Variants in LDB2 observed in about 807,000 individuals in gnomAD.
The protein encoded by LDB2 is LIM domain binding 2.
LDB2 carries 12 observed loss-of-function variants against 44.3 expected under a neutral mutation model. The observed-to-expected ratio is 0.27, with a 90% confidence interval of 0.17 to 0.44. The LOEUF (loss-of-function observed/expected upper bound fraction) is 0.44. LDB2 is among the 20% of genes least tolerant of loss of function. The probability of loss-of-function intolerance (pLI) is 1.00; values close to 1 mark genes in which losing one functional copy is unlikely to be tolerated. For missense variants in LDB2, 344 were observed against 473.5 expected (o/e 0.73, Z 2.54); for synonymous variants, 164 against 174.8 (o/e 0.94, Z 0.49).
intron 2 of LDB2, among the ~76,000 whole-genome samples, chr4:16,748,851 T>C (rs1764886227): frequency 6.6e-6 from 1 of 152,190 alleles, no homozygotes; most frequent in Admixed American, 6.5e-5. Flanking sequence ...AGGAACAGAT[T>C]TATAAACAGA....
At chr4:16,545,939 C>T (rs986884068) in intron 5 of LDB2, among the ~76,000 whole-genome samples, 3 of 152,300 alleles carry the variant, frequency 2.0e-5, no homozygotes, top group Middle Eastern at 3.4e-3. Context: ...GTATGCAATT[C>T]GAGGTGAAAT....
At chr4:16,840,797 T>A (rs1785736425) in intron 1 of LDB2, among the ~76,000 whole-genome samples, 1 of 152,196 alleles carries the variant, frequency 6.6e-6, no homozygotes, top group African/African-American at 2.4e-5. Context: ...ACTATAGCTC[T>A]CAATATGATA....
At chr4:16,525,701 G>C (rs1305323247) in intron 5 of LDB2, among the ~76,000 whole-genome samples, 2 of 151,560 alleles carry the variant, frequency 1.3e-5, no homozygotes, top group African/African-American at 4.8e-5. Context: ...TTTAATGAAG[G>C]AGTCAGATAA....
chr4:16,512,865 A>C (rs1337986678), intron 5 of LDB2, among the ~76,000 whole-genome samples: 1 of 152,220 alleles, frequency 6.6e-6, no homozygotes, highest in Non-Finnish European at 1.5e-5. Flanking sequence ...TGAGGAAAAC[A>C]AGAAGATAAA....
intron 1 of LDB2, among the ~76,000 whole-genome samples, chr4:16,867,692 A>T (rs555828073): frequency 6.6e-6 from 1 of 152,310 alleles, no homozygotes; most frequent in East Asian, 1.9e-4. Flanking sequence ...TCATCGGCAA[A>T]AGATGATAAT....
intron 2 of LDB2, among the ~76,000 whole-genome samples, chr4:16,664,667 G>C (rs536695379): frequency 3.5e-4 from 53 of 152,286 alleles, no homozygotes; most frequent in Non-Finnish European, 6.8e-4. Flanking sequence ...CCCTATTTAA[G>C]TTTACATTCC....
intron 2 of LDB2, among the ~76,000 whole-genome samples, chr4:16,672,408 T>G (rs1002933058): frequency 6.6e-6 from 1 of 152,158 alleles, no homozygotes; most frequent in Non-Finnish European, 1.5e-5. Flanking sequence ...TGCTGAAAGT[T>G]CATTGGCACC....
chr4:16,633,403 T>C (rs1464561520), intron 2 of LDB2, among the ~76,000 whole-genome samples: 1 of 152,066 alleles, frequency 6.6e-6, no homozygotes, highest in Non-Finnish European at 1.5e-5. Flanking sequence ...AACTTGCACA[T>C]TGTGCACGTG....
intron 2 of LDB2, among the ~76,000 whole-genome samples, chr4:16,688,863 G>T (rs10028447): frequency 0.17 from 25,860 of 152,196 alleles, 2,805 homozygotes; most frequent in East Asian, 0.52. Context: ...TTTCAATGTG[G>T]TTTTTCAAAA....
chr4:16,562,686 T>C (rs913752193), intron 5 of LDB2, among the ~76,000 whole-genome samples: 4 of 152,152 alleles, frequency 2.6e-5, no homozygotes, highest in African/African-American at 9.7e-5. Flanking sequence ...GAACTAGAAA[T>C]ACCATTTGAC....
At position 16,588,757 on chromosome 4, in the gene LDB2, T is replaced by C. The variant is rs745752435; in HGVS notation, c.484A>G (p.Ile162Val). The stretch of plus-strand genomic sequence containing the variant: ...GGGACTAACTCTCGGTATTGTCTAA[T>C]GGTAAAGTGCCATGTTTTGATTCTC... ...LMRIKTWHFT[I>V]RQYRELVPRS... Residue 162 changes from isoleucine to valine, a missense_variant, in exon 4 of 8, where the codon ATT becomes GTT. Around this residue, in one of 3 missense-constraint regions of LDB2, gnomAD observed 226 missense variants for 270.1 expected, o/e 0.84. Transcript: ENST00000304523. The C allele has an allele frequency of 1.9e-6, 3 of 1,614,030 alleles. No individual in the cohort carries two copies. The highest frequency in any genetic ancestry group is 2.5e-6 in the Non-Finnish European group (3 of 1,179,854).
chr4:16,746,230 G>C (rs1310259651), intron 2 of LDB2, among the ~76,000 whole-genome samples: 4 of 152,162 alleles, frequency 2.6e-5, no homozygotes, highest in Non-Finnish European at 4.4e-5. Context: ...AGCATTATTA[G>C]AATGTTTATC....
intron 1 of LDB2, among the ~76,000 whole-genome samples, chr4:16,812,409 A>G (rs207689): frequency 2.6e-5 from 4 of 151,690 alleles, no homozygotes; most frequent in Non-Finnish European, 5.9e-5. Flanking sequence ...AAGTTTTAAC[A>G]TACGGTTGCT....
intron 2 of LDB2, among the ~76,000 whole-genome samples, chr4:16,661,222 G>A: frequency 6.6e-6 from 1 of 152,170 alleles, no homozygotes; most frequent in East Asian, 1.9e-4. Flanking sequence ...GCTAGACAGT[G>A]AAATCAAGGA....
intron 1 of LDB2, among the ~76,000 whole-genome samples, chr4:16,783,042 A>G (rs551044187): frequency 1.3e-5 from 2 of 152,358 alleles, no homozygotes; most frequent in South Asian, 2.1e-4. Context: ...GACCCAAATA[A>G]TAAGACTCAT....
chr4:16,555,068 C>G (rs1040748941), intron 5 of LDB2, among the ~76,000 whole-genome samples: 1 of 147,860 alleles, frequency 6.8e-6, no homozygotes, highest in African/African-American at 2.5e-5. Context: ...TGCTGTGAAC[C>G]TAAAACTGCT....
chr4:16,820,343 CTT>C (rs1579969552), intron 1 of LDB2, among the ~76,000 whole-genome samples: 2 of 152,102 alleles, frequency 1.3e-5, no homozygotes, highest in Admixed American at 1.3e-4. Flanking sequence ...GCTCACTGCT[CTT>C]GTTATTGGTG....
intron 2 of LDB2, among the ~76,000 whole-genome samples, chr4:16,632,944 C>T (rs191953847): frequency 6.6e-6 from 1 of 152,234 alleles, no homozygotes. Flanking sequence ...TGGGCATATA[C>T]CCAAAGGATT....
At chr4:16,850,661 T>C (rs1788038770) in intron 1 of LDB2, among the ~76,000 whole-genome samples, 1 of 152,118 alleles carries the variant, frequency 6.6e-6, no homozygotes, top group Non-Finnish European at 1.5e-5. Context: ...GATAATCCCT[T>C]TTAACAATAT....
Sources: allele counts gnomAD v4.1 joint callset (sites outside exome capture counted in the v4.1 genomes callset), GRCh38; gene constraint gnomAD v4.1.1; regional missense constraint gnomAD v4.1.1; transcripts MANE v1.5; gene names NCBI Gene and HGNC (gene_info 2026-07-23, HGNC 2026-07-21).